The following CHODL variants were observed in gnomAD, a reference collection of about 807,000 sequenced individuals.
The protein encoded by CHODL is chondrolectin.
A neutral mutation model predicts 34.5 loss-of-function variants in CHODL; 29 were observed. The observed-to-expected ratio is 0.84, with a 90% confidence interval of 0.63 to 1.15. The LOEUF is 1.15. CHODL is among the 50% of genes most tolerant of loss of function. CHODL has a pLI of 0.00. For missense variants in CHODL, 332 were observed against 332.5 expected (o/e 1.00, Z 0.01); for synonymous variants, 125 against 116.1 (o/e 1.08, Z -0.49).
At chr21:18,217,158 TATATACTCAGCA>T (rs985420951) in intron 2 of CHODL, among the ~76,000 whole-genome samples, 51 of 144,630 alleles carry the variant, frequency 3.5e-4, no homozygotes, top group African/African-American at 1.2e-3. Context: ...TTCTTTTGCA[TATATACTCAGCA>T]ATGGGGGTGC....
chr21:17,950,205 TAAG>T (rs1041386684), intron 1 of CHODL, among the ~76,000 whole-genome samples: 9 of 151,944 alleles, frequency 5.9e-5, no homozygotes, highest in African/African-American at 1.9e-4. Context: ...ACATACATTA[TAAG>T]AAGAAAAACC....
chr21:17,982,684 C>A (rs959691910), intron 1 of CHODL, among the ~76,000 whole-genome samples: 15 of 147,990 alleles, frequency 1.0e-4, no homozygotes, highest in Non-Finnish European at 1.9e-4. Context: ...TAAAAATCCC[C>A]TTATATATAT....
At chr21:17,995,241 C>T (rs2063837646) in intron 1 of CHODL, among the ~76,000 whole-genome samples, 1 of 152,124 alleles carries the variant, frequency 6.6e-6, no homozygotes, top group African/African-American at 2.4e-5. Context: ...GCACAAACTT[C>T]CTCTGGAAAA....
intron 1 of CHODL, among the ~76,000 whole-genome samples, chr21:18,019,105 A>T (rs1328666582): frequency 2.0e-5 from 3 of 152,256 alleles, no homozygotes; most frequent in Non-Finnish European, 4.4e-5. Flanking sequence ...TGTGAGAATG[A>T]TATAATCTGT....
intron 2 of CHODL, among the ~76,000 whole-genome samples, chr21:18,043,820 C>T (rs1414253911): frequency 1.3e-5 from 2 of 151,868 alleles, no homozygotes; most frequent in Non-Finnish European, 2.9e-5. Flanking sequence ...GCTGGAGAGG[C>T]CTTACAATCT....
chr21:18,153,116 C>T (rs1346097365), intron 2 of CHODL, among the ~76,000 whole-genome samples: 1 of 152,162 alleles, frequency 6.6e-6, no homozygotes, highest in Non-Finnish European at 1.5e-5. Flanking sequence ...CTTGAAAAAC[C>T]CCACCTGTTT....
At chr21:17,917,602 A>G (rs577571370) in intron 1 of CHODL, among the ~76,000 whole-genome samples, 19 of 147,876 alleles carry the variant, frequency 1.3e-4, no homozygotes, top group African/African-American at 5.0e-4. Context: ...CCATCTGTAG[A>G]GGGATGCAGA....
chr21:18,001,145 G>A lies in CHODL; in HGVS notation c.-144-26727G>A, dbSNP rs2218516. 5.0e-3 allele frequency among the ~76,000 whole-genome samples: 766 copies of A among 152,348 alleles called. 22 individuals carry two copies. The highest frequency in any genetic ancestry group is 0.044 in the Admixed American group (679 of 15,308). On this transcript the variant is annotated intron_variant, in intron 1 of 6. Transcript: ENST00000400127. Reference sequence around the variant, plus strand: ...ATGGGATGTGGGTGTGGAACCACAGGACTTGAGGCCAGAGACCACAGAACA... The same window carrying A: ...ATGGGATGTGGGTGTGGAACCACAGAACTTGAGGCCAGAGACCACAGAACA...
chr21:18,012,619 G>A (rs567368043), intron 1 of CHODL, among the ~76,000 whole-genome samples: 5 of 152,186 alleles, frequency 3.3e-5, no homozygotes, highest in Admixed American at 2.0e-4. Flanking sequence ...ATATTGGAAC[G>A]AAAACAGAGT....
At chr21:18,253,498 T>C (rs2074282043) in intron 1 of CHODL, among the ~76,000 whole-genome samples, 1 of 152,092 alleles carries the variant, frequency 6.6e-6, no homozygotes, top group Admixed American at 6.6e-5. Context: ...ATGTAAAGGA[T>C]GTAGTAGATG....
At chr21:18,256,381 A>T in intron 1 of CHODL, 128 bp from the exon 2 acceptor site, 1 of 926,396 alleles carries the variant, frequency 1.1e-6, no homozygotes, top group Non-Finnish European at 1.6e-6. Context: ...TTTATGAAAT[A>T]ATTCAGTGGG....
At chr21:18,066,584 C>G (rs2064734774) in intron 2 of CHODL, among the ~76,000 whole-genome samples, 1 of 152,108 alleles carries the variant, frequency 6.6e-6, no homozygotes, top group South Asian at 2.1e-4. Flanking sequence ...ATTACCCAAA[C>G]AGAAATATGC....
rs1177005708 is a variant in CHODL at position 18,171,198 on chromosome 21, G to GTTTTTTTTTTTTTTT, written c.-44-85306_-44-85292dup. 2.7e-4 allele frequency among the ~76,000 whole-genome samples: 10 copies of GTTTTTTTTTTTTTTT among 37,080 alleles called. 3 individuals carry two copies. Among genetic ancestry groups the GTTTTTTTTTTTTTTT allele is most frequent in the Admixed American group, 1.3e-3 (2 of 1,550 alleles). The allele number at this position is 37,080 out of a possible 152,430, so 24.3% of individuals were successfully genotyped here. On this transcript the variant is annotated intron_variant, in intron 2 of 6. Transcript: ENST00000400127. ...TGTTCTTCAGACATGGTTTTCTTTA[G>GTTTTTTTTTTTTTTT]TTTTTTTTTTTTTTTTTTTGAGACG...
intron 2 of CHODL, among the ~76,000 whole-genome samples, chr21:18,149,027 T>C (rs71319673): frequency 0.046 from 7,070 of 152,250 alleles, 262 homozygotes; most frequent in Non-Finnish European, 0.074. Context: ...AGAGAACTTA[T>C]TTTTTCCCTT....
chr21:18,021,797 T>C (rs541268258), intron 1 of CHODL, among the ~76,000 whole-genome samples: 6 of 21,976 alleles, frequency 2.7e-4, no homozygotes, highest in African/African-American at 8.0e-4. Context: ...TAGGAGAATG[T>C]ATGATATTGG....
At chr21:18,127,184 T>TG (rs2146587224) in intron 2 of CHODL, among the ~76,000 whole-genome samples, 1 of 152,210 alleles carries the variant, frequency 6.6e-6, no homozygotes, top group South Asian at 2.1e-4. Flanking sequence ...GATATATGTT[T>TG]TTTTTTAAGG....
chr21:18,124,468 T>G (rs1330582801), intron 2 of CHODL, among the ~76,000 whole-genome samples: 1 of 152,230 alleles, frequency 6.6e-6, no homozygotes, highest in Non-Finnish European at 1.5e-5. Flanking sequence ...AGACATGGCA[T>G]TCAGAAAATA....
At chr21:18,140,886 A>G (rs1481611241) in intron 2 of CHODL, among the ~76,000 whole-genome samples, 1 of 150,422 alleles carries the variant, frequency 6.6e-6, no homozygotes. Flanking sequence ...GCGAATTTTG[A>G]TACAAAGACG....
chr21:17,949,720 A>G (rs1239466576), intron 1 of CHODL, among the ~76,000 whole-genome samples: 1 of 152,182 alleles, frequency 6.6e-6, no homozygotes, highest in African/African-American at 2.4e-5. Context: ...CTATTATTTG[A>G]TTAAAGTGAA....
Sources: gnomAD v4.1 joint callset for allele counts (sites outside exome capture counted in the v4.1 genomes callset) on GRCh38, gnomAD v4.1.1 for gene constraint, MANE v1.5 for transcripts, NCBI Gene and HGNC (gene_info 2026-07-23, HGNC 2026-07-21) for gene names.